IRS1: variants seen among roughly 807,000 people sequenced by gnomAD.
The protein encoded by IRS1 is insulin receptor substrate 1.
A neutral mutation model predicts 65.6 loss-of-function variants in IRS1; 34 were observed. That is an observed-to-expected ratio of 0.52 (90% CI 0.39 to 0.69). The LOEUF (loss-of-function observed/expected upper bound fraction) is 0.69. Among genes scored for constraint, IRS1 ranks in the 30% least tolerant of loss-of-function variants. The pLI, the probability that IRS1 is intolerant of heterozygous loss-of-function variation, is 0.00. For missense variants in IRS1, 1,641 were observed against 1,720.2 expected, an observed-to-expected ratio of 0.95 and a Z score of 0.81; for synonymous variants, 699 against 683.5, an observed-to-expected ratio of 1.02 and a Z score of -0.35.
rs1939838579 is a variant in IRS1 at position 226,799,250 on chromosome 2, T to G, written c.-512A>C. 8.8e-7 allele frequency: 1 copy of G among 1,131,396 alleles called. No homozygotes were observed. The highest frequency in any genetic ancestry group is 1.1e-6 in the Non-Finnish European group (1 of 904,872). The allele number at this position is 1,131,396 out of a possible 1,614,324, so 70.1% of individuals were successfully genotyped here. A position where few individuals can be genotyped will look rare whatever the true frequency, so the allele number is the denominator to read the frequency against. On this transcript the variant is annotated 5_prime_UTR_variant, in exon 1 of 2. Transcript: ENST00000305123. The surrounding 1 kb of genome is among the most constrained non-coding windows in gnomAD (Gnocchi z 6.1). Reference sequence around the variant, plus strand: ...GAGGCGGGTTGCCAAGTCCCAACGTTGCACGGGGTTCTCCCTCCTCCTTCG... The same window carrying G: ...GAGGCGGGTTGCCAAGTCCCAACGTGGCACGGGGTTCTCCCTCCTCCTTCG...
intron 1 of IRS1, among the ~76,000 whole-genome samples, chr2:226,789,418 G>A (rs1182932560): frequency 1.3e-5 from 2 of 152,162 alleles, no homozygotes; most frequent in Non-Finnish European, 2.9e-5. Flanking sequence ...AAAAAATCTG[G>A]ACAACACTAA....
At chr2:226,747,645 G>A (rs1008476465) in intron 1 of IRS1, among the ~76,000 whole-genome samples, 4 of 152,084 alleles carry the variant, frequency 2.6e-5, no homozygotes, top group Admixed American at 6.6e-5. Flanking sequence ...AAATAAATGG[G>A]GTCACCTTCA....
intron 1 of IRS1, among the ~76,000 whole-genome samples, chr2:226,793,866 A>G (rs1559158208): frequency 6.6e-6 from 1 of 152,226 alleles, no homozygotes. Context: ...GGATCAACAG[A>G]ACGAAGGGCA....
In IRS1 at chr2:226,798,579, G is replaced by A. The variant is rs753900721; in HGVS notation, c.160C>T (p.Arg54Trp). 1.2e-6 allele frequency: 2 copies of A among 1,613,898 alleles called. No individual in the cohort carries two copies. Among genetic ancestry groups the A allele is most frequent in the Non-Finnish European group, 1.7e-6 (2 of 1,180,014 alleles). Residue 54 changes from arginine to tryptophan, a missense_variant, in exon 1 of 2, where the codon CGG becomes TGG. Transcript: ENST00000305123. The surrounding 1 kb of genome is among the most constrained non-coding windows in gnomAD (Gnocchi z 9.4). ...CGTTTGGGGGCGCTCGACTTGTGCC[G>A]CCACTTCTTCTCGTTCTCGTAGTAC... ...LEYYENEKKW[R>W]HKSSAPKRSI...
At chr2:226,781,281 G>C (rs1022431341) in intron 1 of IRS1, among the ~76,000 whole-genome samples, 1 of 152,126 alleles carries the variant, frequency 6.6e-6, no homozygotes, top group Non-Finnish European at 1.5e-5. Context: ...TCTCAGCTAA[G>C]AGAGTTGTTC....
At chr2:226,751,384 C>T (rs113285039) in intron 1 of IRS1, among the ~76,000 whole-genome samples, 11,129 of 150,474 alleles carry the variant, frequency 0.074, 707 homozygotes, top group African/African-American at 0.17. Context: ...CCCGGGTTCC[C>T]GGCATTCTCC....
chr2:226,755,378 A>G lies in IRS1; in HGVS notation c.*22-19128T>C, dbSNP rs139818478. On this transcript the variant is annotated intron_variant, in intron 1 of 1. Coordinates refer to ENST00000305123, the MANE Select transcript of IRS1 (RefSeq NM_005544.3). ...GCTGTACTTTGAGAAGGGGAAAACA[A>G]TGACGTTAACGTTAAAATATTGTAC... Among the ~76,000 whole-genome samples, 261 of 152,340 alleles carry G rather than the reference A, an allele frequency of 1.7e-3. 1 individual carries two copies. Among genetic ancestry groups the G allele is most frequent in the South Asian group, 3.7e-3 (18 of 4,834 alleles).
At chr2:226,780,945 T>C (rs1227745556) in intron 1 of IRS1, among the ~76,000 whole-genome samples, 1 of 152,218 alleles carries the variant, frequency 6.6e-6, no homozygotes, top group African/African-American at 2.4e-5. Context: ...ATGTTTTCAA[T>C]GTGTCAAGCG....
intron 1 of IRS1, among the ~76,000 whole-genome samples, chr2:226,785,476 G>A (rs141018328): frequency 1.4e-3 from 208 of 152,216 alleles, no homozygotes; most frequent in African/African-American, 4.7e-3. Context: ...GGTGGCGCAC[G>A]CCTGTAATCC....
rs1938222280 is a variant in IRS1, at chr2:226,731,589, A to G, written c.*4683T>C. On this transcript the variant is annotated 3_prime_UTR_variant, in exon 2 of 2. Coordinates refer to ENST00000305123, the MANE Select transcript of IRS1 (RefSeq NM_005544.3). ...ACATATATACATAATACATGTTATAAACATATATACAGTAAATGTTTTGGT... is the reference window on the plus strand; with the variant it reads ...ACATATATACATAATACATGTTATAGACATATATACAGTAAATGTTTTGGT... 1 of 152,218 alleles carries G rather than the reference A, an allele frequency of 6.6e-6. No individual in the cohort carries two copies. Among genetic ancestry groups the G allele is most frequent in the Non-Finnish European group, 1.5e-5 (1 of 68,028 alleles). The allele number at this position is 152,218 out of a possible 1,614,324, so 9.4% of individuals were successfully genotyped here. A position where few individuals can be genotyped will look rare whatever the true frequency, so the allele number is the denominator to read the frequency against.
intron 1 of IRS1, among the ~76,000 whole-genome samples, chr2:226,751,377 G>A (rs902805284): frequency 2.9e-5 from 4 of 139,346 alleles, no homozygotes; most frequent in African/African-American, 8.1e-5. Context: ...TCCACCTCCC[G>A]GGTTCCCGGC....
At chr2:226,774,756 A>G (rs1033517659) in intron 1 of IRS1, among the ~76,000 whole-genome samples, 7 of 152,220 alleles carry the variant, frequency 4.6e-5, no homozygotes, top group Admixed American at 2.6e-4. Context: ...TTAACCAGCA[A>G]TAAAAAGAAA....
intron 1 of IRS1, among the ~76,000 whole-genome samples, chr2:226,767,307 G>T (rs1939073019): frequency 6.6e-6 from 1 of 152,228 alleles, no homozygotes; most frequent in Admixed American, 6.5e-5. Flanking sequence ...TAAAAAGAGT[G>T]CTGAAATAAG....
At chr2:226,778,136 T>A (rs1939309371) in intron 1 of IRS1, among the ~76,000 whole-genome samples, 1 of 152,192 alleles carries the variant, frequency 6.6e-6, no homozygotes, top group African/African-American at 2.4e-5. Context: ...TTAAATATGG[T>A]CATCGTGTTT....
In IRS1 at chr2:226,738,276, A is replaced by C. The variant is rs563542669; in HGVS notation, c.*22-2026T>G. 2.6e-5 allele frequency among the ~76,000 whole-genome samples: 4 copies of C among 152,366 alleles called. No individual in the cohort carries two copies. In the East Asian group the frequency reaches 7.7e-4, roughly 29 times the overall value. ...CGGTTTTTGCCATAAAATAAATTGC[A>C]AAAACCACAATTACTTTTGGACCAA... On this transcript the variant is annotated intron_variant, in intron 1 of 1. Transcript: ENST00000305123.
chr2:226,765,715 C>T (rs1208314512), intron 1 of IRS1, among the ~76,000 whole-genome samples: 8 of 152,070 alleles, frequency 5.3e-5, no homozygotes, highest in African/African-American at 1.9e-4. Flanking sequence ...AAAGGCTTTC[C>T]CACATTTCTC....
Position 226,782,633 on chromosome 2 carries a change from C to G in IRS1, c.*21+12356G>C, listed in dbSNP as rs1293653103. On this transcript the variant is annotated intron_variant, in intron 1 of 1. Coordinates refer to ENST00000305123, the MANE Select transcript of IRS1 (RefSeq NM_005544.3). ...GGTGAAGAGACAGTGGGAAGATATC[C>G]CCTGGCTCTGCGTTCCCTTCCAGTA... Among the ~76,000 whole-genome samples the G allele has an allele frequency of 2.0e-5, 3 of 152,232 alleles. No individual in the cohort carries two copies. The East Asian group carries it at 5.8e-4, about 29-fold the overall frequency.
intron 1 of IRS1, among the ~76,000 whole-genome samples, chr2:226,761,300 G>T (rs1460201171): frequency 1.3e-5 from 2 of 152,130 alleles, no homozygotes; most frequent in African/African-American, 4.8e-5. Context: ...ATGCATTTTG[G>T]TAATAAATTT....
Position 226,795,102 on chromosome 2 carries a change from T to C in IRS1, c.3637A>G (p.Ser1213Gly). 9.6e-7 allele frequency: 1 copy of C among 1,043,284 alleles called. No homozygotes were observed. Among genetic ancestry groups the C allele is most frequent in the Non-Finnish European group, 1.3e-6 (1 of 750,268 alleles). 64.6% of individuals were successfully genotyped at this position (1,043,284 alleles called of 1,614,324 possible). ...PPPPPHQPLGSGESSSTRRSS... is the reference protein window; with the variant it reads ...PPPPPHQPLGGGESSSTRRSS... ...CGGCGGGTGGAGCTGCTCTCACCGC[T>C]GCCCAGGGGTTGATGAGGGGGTGGG... Residue 1213 changes from serine to glycine, a missense_variant, in exon 1 of 2, where the codon AGC (serine) becomes GGC (glycine). By Grantham distance (56) the Ser-to-Gly change is moderately conservative. This residue lies in a region of IRS1 where 1,324 missense variants were observed against 1,361.0 expected (regional missense o/e 0.97). Coordinates refer to ENST00000305123, the MANE Select transcript of IRS1 (RefSeq NM_005544.3).
Sources: gnomAD v4.1 joint callset for allele counts (sites outside exome capture counted in the v4.1 genomes callset) on GRCh38, gnomAD v4.1.1 for gene constraint, gnomAD v4.1.1 regional missense constraint, Gnocchi (gnomAD v3.1) non-coding constraint, MANE v1.5 for transcripts, NCBI Gene and HGNC (gene_info 2026-07-23, HGNC 2026-07-21) for gene names.